The following ZNF143 variants were observed in gnomAD, a reference collection of about 807,000 sequenced individuals.
The protein encoded by ZNF143 is SPH-binding factor.
In ZNF143, 49 loss-of-function variants were observed where a neutral mutation model predicts 74.1. That is an observed-to-expected ratio of 0.66 (90% confidence interval 0.53 to 0.84). ZNF143 has a LOEUF of 0.84. ZNF143 is among the 40% of genes least tolerant of loss of function. The probability of loss-of-function intolerance (pLI) is 0.00; values close to 1 mark genes in which losing one functional copy is unlikely to be tolerated. For synonymous variants in ZNF143, 304 were observed against 282.8 expected, an observed-to-expected ratio of 1.07 and a Z score of -0.75; for missense variants, 637 against 793.4, an observed-to-expected ratio of 0.80 and a Z score of 2.37.
intron 1 of ZNF143, 32 bp downstream of exon 1, chr11:9,461,108 G>A: frequency 1.0e-6 from 1 of 985,104 alleles, no homozygotes; most frequent in Non-Finnish European, 1.2e-6. Context: ...TACCCAGTGT[G>A]CATTATTCTC....
In ZNF143 at chr11:9,521,597, G is replaced by GT. The variant is rs1279721708; in HGVS notation, c.1687-3637dup. 1.4e-4 allele frequency among the ~76,000 whole-genome samples: 21 copies of GT among 150,238 alleles called. 1 individual carries two copies. Among genetic ancestry groups the GT allele is most frequent in the Non-Finnish European group, 1.5e-5 (1 of 67,582 alleles). ...TTTTTTTTTTGTTGTTGTTGTTGTT[G>GT]TTTTTTACTATGGATTCAAGTTTTT... is the stretch of plus-strand genomic sequence containing the variant. On this transcript the variant is annotated intron_variant, in intron 14 of 15. Coordinates refer to ENST00000396602, the MANE Select transcript of ZNF143 (RefSeq NM_003442.6).
intron 7 of ZNF143, among the ~76,000 whole-genome samples, chr11:9,481,609 T>C (rs1847241751): frequency 6.6e-6 from 1 of 151,966 alleles, no homozygotes; most frequent in Admixed American, 6.6e-5. Context: ...AGTTGTAGGC[T>C]GGGTCCAGTG....
intron 14 of ZNF143, among the ~76,000 whole-genome samples, chr11:9,521,015 C>T (rs1270079848): frequency 6.6e-6 from 1 of 152,128 alleles, no homozygotes; most frequent in Non-Finnish European, 1.5e-5. Context: ...TGTTATAGGT[C>T]ACCACAAAAT....
chr11:9,503,899 G>T (rs541909496), intron 11 of ZNF143, among the ~76,000 whole-genome samples: 161 of 144,684 alleles, frequency 1.1e-3, no homozygotes, highest in Non-Finnish European at 1.9e-3. Context: ...TGATTCACCT[G>T]CCTTGGCCTC....
intron 14 of ZNF143, among the ~76,000 whole-genome samples, chr11:9,521,636 C>G (rs1320010671): frequency 1.3e-5 from 2 of 151,082 alleles, no homozygotes. Context: ...TGGATCTATA[C>G]TATTCAAGTT....
chr11:9,504,673 C>CTTTTTTTTTT (rs869310966), intron 11 of ZNF143, among the ~76,000 whole-genome samples: 2 of 89,446 alleles, frequency 2.2e-5, no homozygotes, highest in African/African-American at 7.1e-5. Context: ...TTTCTTTTTT[C>CTTTTTTTTTT]TTTTTTTTTT....
intron 1 of ZNF143, among the ~76,000 whole-genome samples, chr11:9,470,556 CAAAT>C (rs1392709482): frequency 3.9e-5 from 6 of 152,148 alleles, no homozygotes; most frequent in South Asian, 4.1e-4. Context: ...GAAGGAAACT[CAAAT>C]GAACACGTTC....
At chr11:9,474,511 T>C (rs1373268909) in intron 4 of ZNF143, 39 bp from the exon 5 acceptor site, 1 of 1,604,814 alleles carries the variant, frequency 6.2e-7, no homozygotes, top group Non-Finnish European at 8.5e-7. Flanking sequence ...TGGAATGTGC[T>C]AGAAAACATG....
intron 10 of ZNF143, among the ~76,000 whole-genome samples, chr11:9,498,859 A>G (rs1034678299): frequency 2.0e-5 from 3 of 152,194 alleles, no homozygotes; most frequent in African/African-American, 7.2e-5. Context: ...TCTTGCAGCT[A>G]TTAATGTTTA....
intron 7 of ZNF143, among the ~76,000 whole-genome samples, chr11:9,492,133 CGG>C (rs1278308435): frequency 3.7e-5 from 4 of 108,036 alleles, no homozygotes; most frequent in Non-Finnish European, 7.5e-5. Flanking sequence ...TTTTTTGAGA[CGG>C]AGTCTTGCTC....
chr11:9,500,999 T>G, intron 10 of ZNF143, 92 bp from the exon 11 acceptor site: 1 of 1,488,508 alleles, frequency 6.7e-7, no homozygotes, highest in Non-Finnish European at 9.2e-7. Flanking sequence ...GCTAGAGTCT[T>G]GAGCATAATC....
chr11:9,479,331 A>C, intron 6 of ZNF143, 141 bp from the exon 7 acceptor site: 1 of 521,564 alleles, frequency 1.9e-6, no homozygotes, highest in Non-Finnish European at 3.1e-6. Context: ...AAATATACAC[A>C]AAAATAAATG....
At chr11:9,512,050 C>T (rs1465739900) in intron 12 of ZNF143, among the ~76,000 whole-genome samples, 3 of 152,156 alleles carry the variant, frequency 2.0e-5, no homozygotes, top group Non-Finnish European at 4.4e-5. Context: ...CGTGCCTGGC[C>T]TAACAGCCTC....
At chr11:9,465,749 CTTATTA>C (rs957901215) in intron 1 of ZNF143, among the ~76,000 whole-genome samples, 1 of 151,094 alleles carries the variant, frequency 6.6e-6, no homozygotes, top group African/African-American at 2.4e-5. Context: ...TCCCAAAGGA[CTTATTA>C]TTATAAGTTT....
intron 7 of ZNF143, among the ~76,000 whole-genome samples, chr11:9,489,664 C>T (rs145367877): frequency 3.8e-3 from 583 of 152,246 alleles, no homozygotes; most frequent in Middle Eastern, 0.02. Flanking sequence ...TATTTGCTGC[C>T]GCTACCTAGT....
chr11:9,488,905 A>T (rs919798257), intron 7 of ZNF143, among the ~76,000 whole-genome samples: 7 of 152,120 alleles, frequency 4.6e-5, no homozygotes, highest in Non-Finnish European at 7.4e-5. Flanking sequence ...AAAAAAAAAG[A>T]TTTATTTGGG....
chr11:9,472,585 T>G (rs1205474185), intron 2 of ZNF143, 92 bp from the exon 3 acceptor site: 20 of 1,137,010 alleles, frequency 1.8e-5, no homozygotes, highest in Non-Finnish European at 2.6e-5. Context: ...GTTAAGCAGT[T>G]TACCTTTTTT....
intron 7 of ZNF143, among the ~76,000 whole-genome samples, chr11:9,480,859 C>G (rs540427389): frequency 6.6e-6 from 1 of 150,902 alleles, no homozygotes; most frequent in Non-Finnish European, 1.5e-5. Context: ...TGCACTCCAG[C>G]CTGGGCAACA....
chr11:9,469,376 C>T (rs1380043760), intron 1 of ZNF143, among the ~76,000 whole-genome samples: 1 of 151,710 alleles, frequency 6.6e-6, no homozygotes, highest in Non-Finnish European at 1.5e-5. Context: ...GGATTACAGG[C>T]GTGCACCACC....
Sources: gnomAD v4.1 joint callset for allele counts (sites outside exome capture counted in the v4.1 genomes callset) on GRCh38, gnomAD v4.1.1 for gene constraint, MANE v1.5 for transcripts, NCBI Gene and HGNC (gene_info 2026-07-23, HGNC 2026-07-21) for gene names.